The following ARHGEF9 variants were observed in gnomAD, a reference collection of about 807,000 sequenced individuals.
ARHGEF9 encodes Cdc42 guanine nucleotide exchange factor 9.
ARHGEF9 carries 2 observed loss-of-function variants against 41.3 expected under a neutral mutation model. The observed-to-expected ratio is 0.05, with a 90% CI of 0.02 to 0.15. The LOEUF (loss-of-function observed/expected upper bound fraction) is 0.15. Ranked by LOEUF, ARHGEF9 falls within the 10% of genes least tolerant of loss-of-function variation. The pLI, the probability that ARHGEF9 is intolerant of heterozygous loss-of-function variation, is 1.00. For synonymous variants in ARHGEF9, 160 were observed against 154.4 expected, an observed-to-expected ratio of 1.04 and a Z score of -0.27; for missense variants, 225 against 424.7, an observed-to-expected ratio of 0.53 and a Z score of 4.13.
rs1482608192 is a variant in ARHGEF9, at chrX:63,637,310, TA to T, written c.*717del. The T allele has an allele frequency of 3.4e-6, 1 of 294,823 alleles. No homozygotes were observed. The highest frequency in any genetic ancestry group is 5.9e-6 in the Non-Finnish European group (1 of 169,929). 24.3% of individuals were successfully genotyped at this position (294,823 alleles called of 1,213,427 possible). A position where few individuals can be genotyped will look rare whatever the true frequency, so the allele number is the denominator to read the frequency against. On this transcript the variant is annotated 3_prime_UTR_variant, in exon 10 of 10. Coordinates refer to ENST00000671741, the MANE Select transcript of ARHGEF9 (RefSeq NM_001353921.2). Reference sequence around the variant, plus strand: ...GGTTTTTTGATCCCTTCACAGTACCTAAAACACAGTAAAAGCAATAGGAATA... The same window carrying T: ...GGTTTTTTGATCCCTTCACAGTACCTAAACACAGTAAAAGCAATAGGAATA...
intron 8 of ARHGEF9, among the ~76,000 whole-genome samples, chrX:63,650,853 T>C (rs1556328082): frequency 1.8e-5 from 2 of 110,242 alleles, no homozygotes; most frequent in African/African-American, 6.6e-5. Flanking sequence ...TAAAAATATA[T>C]GAAATATTAT....
chrX:63,689,715 A>G (rs1556379567), intron 4 of ARHGEF9, among the ~76,000 whole-genome samples: 1 of 112,369 alleles, frequency 8.9e-6, no homozygotes, highest in African/African-American at 3.2e-5. Context: ...ATCAGCATAT[A>G]GAACATTCTT....
chrX:63,667,757 C>T (rs782574216), intron 6 of ARHGEF9, among the ~76,000 whole-genome samples: 4 of 110,980 alleles, frequency 3.6e-5, no homozygotes, highest in Non-Finnish European at 5.7e-5. Flanking sequence ...TTTAGGCTCC[C>T]GACTTAGCCT....
intron 1 of ARHGEF9, among the ~76,000 whole-genome samples, chrX:63,736,041 G>C (rs2054600927): frequency 8.9e-6 from 1 of 112,082 alleles, no homozygotes; most frequent in African/African-American, 3.3e-5. Flanking sequence ...TCCTGGATGA[G>C]GAAGTGGCAG....
intron 5 of ARHGEF9, among the ~76,000 whole-genome samples, chrX:63,674,824 GTC>G (rs1417870572): frequency 1.8e-5 from 2 of 111,394 alleles, no homozygotes; most frequent in African/African-American, 6.5e-5. Context: ...CTCTCTTACT[GTC>G]TGCTCTTTCT....
At chrX:63,755,338 G>A in intron 1 of ARHGEF9, 1 of 663,516 alleles carries the variant, frequency 1.5e-6, no homozygotes. Context: ...CCAGACCGGC[G>A]AGAGTCACCA....
intron 1 of ARHGEF9, among the ~76,000 whole-genome samples, chrX:63,771,080 G>A (rs1406234145): frequency 5.3e-5 from 6 of 112,197 alleles, no homozygotes; most frequent in African/African-American, 1.6e-4. Flanking sequence ...GGCTGAGTAA[G>A]GTTGTATCTC....
At chrX:63,685,160 T>C (rs1389773405) in intron 4 of ARHGEF9, among the ~76,000 whole-genome samples, 2 of 111,684 alleles carry the variant, frequency 1.8e-5, no homozygotes, top group African/African-American at 6.5e-5. Flanking sequence ...TGAGATGATA[T>C]GTTAATCTGT....
At chrX:63,710,355 C>T (rs1367937130) in intron 2 of ARHGEF9, among the ~76,000 whole-genome samples, 9 of 100,922 alleles carry the variant, frequency 8.9e-5, no homozygotes, top group African/African-American at 3.3e-4. Flanking sequence ...GTGAATTCTA[C>T]CAAACATTTA....
intron 1 of ARHGEF9, chrX:63,755,777 C>A: frequency 1.5e-6 from 1 of 649,025 alleles, no homozygotes; most frequent in Non-Finnish European, 1.8e-6. Flanking sequence ...CAGGGACACA[C>A]GACAGAATTT....
intron 2 of ARHGEF9, among the ~76,000 whole-genome samples, chrX:63,718,875 G>C (rs2053480868): frequency 9.0e-6 from 1 of 111,512 alleles, no homozygotes; most frequent in Non-Finnish European, 1.9e-5. Flanking sequence ...TTCAACTTGG[G>C]ATTTCTATGA....
At chrX:63,719,605 G>T in intron 2 of ARHGEF9, 1 of 295,760 alleles carries the variant, frequency 3.4e-6, no homozygotes, top group Non-Finnish European at 5.9e-6. Flanking sequence ...ACAGGGGACT[G>T]TGTAATGCAG....
intron 1 of ARHGEF9, among the ~76,000 whole-genome samples, chrX:63,777,201 A>T (rs1355201437): frequency 9.0e-6 from 1 of 111,420 alleles, no homozygotes; most frequent in East Asian, 2.8e-4. Flanking sequence ...AGGGGAAGCA[A>T]ACACATCATT....
chrX:63,721,067 A>C (rs2053610382), intron 2 of ARHGEF9, among the ~76,000 whole-genome samples: 1 of 111,659 alleles, frequency 9.0e-6, no homozygotes, highest in African/African-American at 3.3e-5. Flanking sequence ...GGCCCCTGTA[A>C]GCATCTAAGT....
At chrX:63,719,800 G>A in intron 2 of ARHGEF9, 1 of 296,657 alleles carries the variant, frequency 3.4e-6, no homozygotes. Flanking sequence ...TTTTGGCACT[G>A]AGGGACTAGC....
intron 1 of ARHGEF9, among the ~76,000 whole-genome samples, chrX:63,737,698 A>G (rs1307320136): frequency 8.9e-6 from 1 of 112,486 alleles, no homozygotes; most frequent in African/African-American, 3.2e-5. Context: ...CCATCTGCTC[A>G]GAACATCACA....
intron 1 of ARHGEF9, 113 bp from the exon 2 acceptor site, chrX:63,724,824 A>G (rs2053857880): frequency 3.9e-6 from 3 of 759,970 alleles, no homozygotes; most frequent in Non-Finnish European, 6.0e-6. Flanking sequence ...AAGTGGTGAG[A>G]GATAGGGGTG....
intron 1 of ARHGEF9, among the ~76,000 whole-genome samples, chrX:63,732,764 C>T (rs1459196950): frequency 1.8e-5 from 2 of 111,550 alleles, no homozygotes; most frequent in African/African-American, 6.5e-5. Context: ...CCCACATTTC[C>T]TACTGCCTGC....
chrX:63,653,743 T>C (rs1272504045), intron 8 of ARHGEF9, among the ~76,000 whole-genome samples: 1 of 111,398 alleles, frequency 9.0e-6, no homozygotes, highest in East Asian at 2.8e-4. Context: ...GAATGCTAAG[T>C]TTTCTTTATA....
Sources: gnomAD v4.1 joint callset for allele counts (sites outside exome capture counted in the v4.1 genomes callset) on GRCh38, gnomAD v4.1.1 for gene constraint, MANE v1.5 for transcripts, NCBI Gene and HGNC (gene_info 2026-07-23, HGNC 2026-07-21) for gene names.